Variants in CAST observed in about 807,000 individuals in gnomAD.
The protein encoded by CAST is MIR583 host.
In CAST, 76 loss-of-function variants were observed where a neutral mutation model predicts 119.6. The ratio of observed to expected loss-of-function variants is 0.64; its 90% CI spans 0.53 to 0.77. The LOEUF (loss-of-function observed/expected upper bound fraction) is 0.77. CAST is among the 30% of genes least tolerant of loss of function. The probability of loss-of-function intolerance (pLI) is 0.00; values close to 1 mark genes in which losing one functional copy is unlikely to be tolerated. For missense variants in CAST, 953 were observed against 946.5 expected, an observed-to-expected ratio of 1.01 and a Z score of -0.09; for synonymous variants, 319 against 331.6, an observed-to-expected ratio of 0.96 and a Z score of 0.41.
the CAST span, among the ~76,000 whole-genome samples, chr5:96,040,538 A>G: frequency 6.6e-6 from 1 of 152,044 alleles, no homozygotes; most frequent in Non-Finnish European, 1.5e-5. Context: ...TTATTTTGAG[A>G]TACCTTCCAT....
At chr5:96,157,149 G>T in the CAST span, among the ~76,000 whole-genome samples, 1 of 152,082 alleles carries the variant, frequency 6.6e-6, no homozygotes, top group Admixed American at 6.6e-5. Flanking sequence ...TTAAAACAAT[G>T]TATTCCCTGT....
chr5:96,741,447 A>C (rs759099520), intron 14 of CAST, 47 bp from the exon 15 acceptor site: 9 of 1,521,702 alleles, frequency 5.9e-6, no homozygotes, highest in Non-Finnish European at 8.2e-6. Context: ...TATTACAGTT[A>C]AACTTTCCTC....
chr5:96,063,142 A>T, the CAST span, among the ~76,000 whole-genome samples: 1 of 152,044 alleles, frequency 6.6e-6, no homozygotes, highest in Admixed American at 6.6e-5. Flanking sequence ...AGTGGATATA[A>T]ATCTGGTGTG....
chr5:96,611,492 A>G (rs1210838283), intron 1 of CAST, among the ~76,000 whole-genome samples: 1 of 152,224 alleles, frequency 6.6e-6, no homozygotes, highest in Non-Finnish European at 1.5e-5. Context: ...GTAAGACCTC[A>G]AACTATTAAA....
At chr5:96,701,086 C>T (rs1753837890) in intron 3 of CAST, among the ~76,000 whole-genome samples, 1 of 152,122 alleles carries the variant, frequency 6.6e-6, no homozygotes, top group African/African-American at 2.4e-5. Flanking sequence ...CACCACCGCA[C>T]ACAGCTAATG....
chr5:96,110,094 G>C, the CAST span, among the ~76,000 whole-genome samples: 70 of 152,266 alleles, frequency 4.6e-4, no homozygotes, highest in African/African-American at 1.6e-3. Context: ...TACATCTCCA[G>C]TTCCCAAAAA....
the CAST span, among the ~76,000 whole-genome samples, chr5:96,228,625 A>C: frequency 1.3e-5 from 2 of 152,188 alleles, no homozygotes; most frequent in Non-Finnish European, 2.9e-5. Context: ...TTGCGTGAAA[A>C]GGCTTCACAA....
chr5:96,581,643 C>A (rs1580833731), intron 1 of CAST, among the ~76,000 whole-genome samples: 1 of 152,284 alleles, frequency 6.6e-6, no homozygotes, highest in South Asian at 2.1e-4. Context: ...GTAATCCCAG[C>A]ACTTTGGGAG....
chr5:96,244,181 A>G, the CAST span, among the ~76,000 whole-genome samples: 1 of 152,176 alleles, frequency 6.6e-6, no homozygotes, highest in Non-Finnish European at 1.5e-5. Flanking sequence ...TTCCAGTTCT[A>G]TGAGCTTCCT....
chr5:96,740,673 G>T, intron 12 of CAST, 72 bp from the exon 13 acceptor site: 1 of 1,060,392 alleles, frequency 9.4e-7, no homozygotes, highest in East Asian at 2.4e-5. Context: ...AACCCACAAC[G>T]GGCAATACAT....
chr5:96,570,989 T>C (rs968059331), intron 1 of CAST, among the ~76,000 whole-genome samples: 3 of 152,318 alleles, frequency 2.0e-5, no homozygotes, highest in African/African-American at 7.2e-5. Flanking sequence ...TTCTGCATGA[T>C]GATATTACAC....
the CAST span, among the ~76,000 whole-genome samples, chr5:96,174,902 G>A: frequency 6.6e-6 from 1 of 151,990 alleles, no homozygotes; most frequent in East Asian, 1.9e-4. Context: ...GAAATCAAAA[G>A]CTTTCCTCCT....
the CAST span, among the ~76,000 whole-genome samples, chr5:95,986,579 CAGT>C: frequency 6.6e-6 from 1 of 152,106 alleles, no homozygotes; most frequent in Non-Finnish European, 1.5e-5. Flanking sequence ...AACTTTTTGT[CAGT>C]ATTTTCATCT....
chr5:96,719,436 C>T (rs781202160), intron 3 of CAST, among the ~76,000 whole-genome samples: 3 of 152,234 alleles, frequency 2.0e-5, no homozygotes, highest in Non-Finnish European at 4.4e-5. Flanking sequence ...GCTGGGATTT[C>T]AGGTGTGAGC....
intron 1 of CAST, among the ~76,000 whole-genome samples, chr5:96,553,127 A>G (rs1580821276): frequency 6.6e-6 from 1 of 152,222 alleles, no homozygotes; most frequent in Non-Finnish European, 1.5e-5. Flanking sequence ...ATTTTAGGCC[A>G]ATATCCCTGA....
the CAST span, among the ~76,000 whole-genome samples, chr5:96,193,928 G>A: frequency 6.6e-6 from 1 of 152,138 alleles, no homozygotes; most frequent in Admixed American, 6.5e-5. Flanking sequence ...AAGGGTTTTG[G>A]CATTAATGTA....
At chr5:96,463,474 T>A in the CAST span, among the ~76,000 whole-genome samples, 4,010 of 152,180 alleles carry the variant, frequency 0.026, 145 homozygotes, top group African/African-American at 0.087. Context: ...AGGTCCTTCC[T>A]GGTTTTCCAA....
At chr5:96,102,238 T>C in the CAST span, among the ~76,000 whole-genome samples, 2 of 152,026 alleles carry the variant, frequency 1.3e-5, no homozygotes, top group Non-Finnish European at 2.9e-5. Context: ...GCAGAGAATT[T>C]TATTTAGCGA....
At chr5:96,195,317 A>G in the CAST span, among the ~76,000 whole-genome samples, 1 of 152,224 alleles carries the variant, frequency 6.6e-6, no homozygotes, top group South Asian at 2.1e-4. Context: ...GCAAGGCTTA[A>G]TAAGACTTTG....
Sources: gnomAD v4.1 joint callset for allele counts (sites outside exome capture counted in the v4.1 genomes callset) on GRCh38, gnomAD v4.1.1 for gene constraint, MANE v1.5 for transcripts, NCBI Gene and HGNC (gene_info 2026-07-23, HGNC 2026-07-21) for gene names.